FBXL7: variants seen among roughly 807,000 people sequenced by gnomAD.
FBXL7 encodes the protein F-box/LRR-repeat protein 7.
In FBXL7, 12 loss-of-function variants were observed where a neutral mutation model predicts 38.3. The ratio of observed to expected loss-of-function variants is 0.31; its 90% CI spans 0.20 to 0.51. The LOEUF is 0.51. Among genes scored for constraint, FBXL7 ranks in the 20% least tolerant of loss-of-function variants. FBXL7 has a pLI of 0.98. For synonymous variants in FBXL7, 297 were observed against 300.9 expected (o/e 0.99, Z 0.13); for missense variants, 567 against 676.4 (o/e 0.84, Z 1.79).
intron 1 of FBXL7, among the ~76,000 whole-genome samples, chr5:15,569,279 G>A (rs1178666084): frequency 2.0e-5 from 3 of 151,276 alleles, no homozygotes; most frequent in African/African-American, 7.3e-5. Flanking sequence ...GCAGTGGTTT[G>A]TAGTTCTCCT....
At chr5:15,590,283 G>A (rs1739432166) in intron 1 of FBXL7, among the ~76,000 whole-genome samples, 1 of 152,040 alleles carries the variant, frequency 6.6e-6, no homozygotes, top group African/African-American at 2.4e-5. Context: ...TGGATTTATT[G>A]ATTTATTTTC....
intron 2 of FBXL7, among the ~76,000 whole-genome samples, chr5:15,852,566 A>G (rs1739129657): frequency 6.6e-6 from 1 of 152,182 alleles, no homozygotes; most frequent in Non-Finnish European, 1.5e-5. Context: ...AAACTATAAT[A>G]GAATACCGTG....
chr5:15,707,184 T>C (rs1248415101), intron 2 of FBXL7, among the ~76,000 whole-genome samples: 18 of 140,678 alleles, frequency 1.3e-4, no homozygotes, highest in African/African-American at 4.5e-4. Context: ...GTTTTTTTTT[T>C]TTTTTTTTTT....
At chr5:15,580,683 C>T (rs1240158799) in intron 1 of FBXL7, 3 of 985,238 alleles carry the variant, frequency 3.0e-6, no homozygotes, top group African/African-American at 3.5e-5. Context: ...ACCTCTGGGT[C>T]CGGGAGTGCT....
intron 1 of FBXL7, among the ~76,000 whole-genome samples, chr5:15,529,982 G>A (rs962453663): frequency 6.6e-6 from 1 of 152,298 alleles, no homozygotes; most frequent in Non-Finnish European, 1.5e-5. Flanking sequence ...AGTGTATATT[G>A]ATATCTGTGG....
At chr5:15,749,101 C>T (rs994966789) in intron 2 of FBXL7, among the ~76,000 whole-genome samples, 16 of 151,582 alleles carry the variant, frequency 1.1e-4, no homozygotes, top group African/African-American at 2.4e-4. Flanking sequence ...AAAAATTAGC[C>T]GGGCATGGTG....
At chr5:15,589,419 C>G (rs1411415892) in intron 1 of FBXL7, among the ~76,000 whole-genome samples, 2 of 152,230 alleles carry the variant, frequency 1.3e-5, no homozygotes, top group East Asian at 3.9e-4. Flanking sequence ...CTCTCTTCCT[C>G]CTTCTCCAGC....
At chr5:15,647,969 C>G (rs1333209724) in intron 2 of FBXL7, among the ~76,000 whole-genome samples, 1 of 152,168 alleles carries the variant, frequency 6.6e-6, no homozygotes, top group Non-Finnish European at 1.5e-5. Flanking sequence ...AGAGTAGGTG[C>G]CAGTAGGCAC....
intron 2 of FBXL7, among the ~76,000 whole-genome samples, chr5:15,924,632 CTT>C (rs34865383): frequency 0.13 from 16,158 of 119,746 alleles, 1,156 homozygotes; most frequent in African/African-American, 0.28. Context: ...TCTCATTATT[CTT>C]TTTTTTTTTT....
At chr5:15,708,231 C>G (rs1399943421) in intron 2 of FBXL7, among the ~76,000 whole-genome samples, 1 of 152,168 alleles carries the variant, frequency 6.6e-6, no homozygotes, top group African/African-American at 2.4e-5. Flanking sequence ...ACAGGGCTGT[C>G]CATCCTTTCT....
At chr5:15,921,490 C>T (rs1260771025) in intron 2 of FBXL7, among the ~76,000 whole-genome samples, 5 of 152,078 alleles carry the variant, frequency 3.3e-5, no homozygotes, top group Admixed American at 6.5e-5. Flanking sequence ...CACCCATCCA[C>T]GCTAATACAC....
At chr5:15,618,164 T>G (rs1375998065) in intron 2 of FBXL7, among the ~76,000 whole-genome samples, 1 of 152,148 alleles carries the variant, frequency 6.6e-6, no homozygotes, top group Non-Finnish European at 1.5e-5. Context: ...CAGCCAATGT[T>G]TTATACATTT....
chr5:15,787,253 C>T (rs890859877), intron 2 of FBXL7, among the ~76,000 whole-genome samples: 14 of 152,186 alleles, frequency 9.2e-5, no homozygotes, highest in Non-Finnish European at 1.0e-4. Flanking sequence ...TAAAATCAGT[C>T]GGCATTGAAG....
At chr5:15,808,383 C>A (rs924935926) in intron 2 of FBXL7, among the ~76,000 whole-genome samples, 1 of 152,058 alleles carries the variant, frequency 6.6e-6, no homozygotes, top group Non-Finnish European at 1.5e-5. Flanking sequence ...AGTTGTAAAT[C>A]CTTCCATATC....
intron 2 of FBXL7, among the ~76,000 whole-genome samples, chr5:15,851,227 G>A (rs920426772): frequency 6.6e-6 from 1 of 152,174 alleles, no homozygotes; most frequent in African/African-American, 2.4e-5. Context: ...CCACTGTTCA[G>A]AGAATTTTTT....
At chr5:15,594,617 G>C (rs1336875719) in intron 1 of FBXL7, among the ~76,000 whole-genome samples, 2 of 152,332 alleles carry the variant, frequency 1.3e-5, no homozygotes, top group South Asian at 4.1e-4. Context: ...TACGGCTTCA[G>C]AGACCTGAAG....
Position 15,937,551 on chromosome 5 carries a change from C to A in FBXL7, c.*365C>A, listed in dbSNP as rs1476888444. 9.0e-4 allele frequency: 161 copies of A among 179,112 alleles called. No homozygotes were observed. The highest frequency in any genetic ancestry group is 1.1e-3 in the African/African-American group (32 of 30,014). The allele number at this position is 179,112 out of a possible 1,614,324, so 11.1% of individuals were successfully genotyped here. A position where few individuals can be genotyped will look rare whatever the true frequency, so the allele number is the denominator to read the frequency against. ...CCCCACCCCCACAGTTCCACGCCCCCCCCCCAAGGCCACACCCTCCCTCCC... is the reference window on the plus strand; with the variant it reads ...CCCCACCCCCACAGTTCCACGCCCCACCCCCAAGGCCACACCCTCCCTCCC... On this transcript the variant is annotated 3_prime_UTR_variant, in exon 4 of 4. Transcript: ENST00000504595.
rs532046217 is a variant in FBXL7, at chr5:15,538,930, T to A, written c.37+38217T>A. On this transcript the variant is annotated intron_variant, in intron 1 of 3. Coordinates refer to ENST00000504595, the MANE Select transcript of FBXL7 (RefSeq NM_012304.5). ...GCATCTATTAGAGGAGCCTGTGAAA[T>A]AATGTAGATGGAGGAGAAAATAAAA... Among the ~76,000 whole-genome samples the A allele has an allele frequency of 5.9e-5, 9 of 152,298 alleles. No homozygotes were observed. The South Asian group carries it at 1.7e-3, about 28-fold the overall frequency.
rs188523453 is a variant in FBXL7 at position 15,818,886 on chromosome 5, C to T, written c.128-109004C>T. ...ACATAATGATTTCCGAGATGAAGAGCAGTTAACCCAATGGCCTCCTAAATA... is the reference window on the plus strand; with the variant it reads ...ACATAATGATTTCCGAGATGAAGAGTAGTTAACCCAATGGCCTCCTAAATA... On this transcript the variant is annotated intron_variant, in intron 2 of 3. Transcript: ENST00000504595. Among the ~76,000 whole-genome samples the T allele has an allele frequency of 4.5e-3, 689 of 152,198 alleles. 7 individuals are homozygous for T. The highest frequency in any genetic ancestry group is 0.016 in the African/African-American group (661 of 41,528).
Sources: allele counts gnomAD v4.1 joint callset (sites outside exome capture counted in the v4.1 genomes callset), GRCh38; gene constraint gnomAD v4.1.1; transcripts MANE v1.5; gene names NCBI Gene and HGNC (gene_info 2026-07-23, HGNC 2026-07-21).